The following PINX1 variants were observed in gnomAD, a reference collection of about 807,000 sequenced individuals.
The protein encoded by PINX1 is PIN2/TERF1-interacting telomerase inhibitor 1.
Under a neutral mutation model 25.4 loss-of-function variants are expected in PINX1, and 34 were observed. The ratio of observed to expected loss-of-function variants is 1.34; its 90% CI spans 1.02 to 1.78. The LOEUF (loss-of-function observed/expected upper bound fraction) is 1.78. Ranked by LOEUF, PINX1 falls within the 40% of genes most tolerant of loss-of-function variation. PINX1 has a pLI of 0.00. For synonymous variants in PINX1, 197 were observed against 147.7 expected, an observed-to-expected ratio of 1.33 and a Z score of -2.42; for missense variants, 592 against 404.9, an observed-to-expected ratio of 1.46 and a Z score of -3.97.
At chr8:10,769,841 G>C (rs1262101640) in intron 6 of PINX1, among the ~76,000 whole-genome samples, 1 of 152,140 alleles carries the variant, frequency 6.6e-6, no homozygotes, top group Admixed American at 6.5e-5. Flanking sequence ...GGACTGCCTT[G>C]TCACCTTTCC....
chr8:10,834,878 A>C, intron 1 of PINX1, 103 bp from the exon 2 acceptor site: 1 of 729,950 alleles, frequency 1.4e-6, no homozygotes, highest in Non-Finnish European at 2.3e-6. Flanking sequence ...TATGTATGTA[A>C]AATATGACAT....
chr8:10,787,862 T>C (rs1051230095), intron 6 of PINX1: 4 of 455,408 alleles, frequency 8.8e-6, no homozygotes, highest in African/African-American at 8.0e-5. Flanking sequence ...GAGAACCTAT[T>C]GGTTAAGAAA....
chr8:10,819,240 G>A (rs1244503341), intron 6 of PINX1, among the ~76,000 whole-genome samples: 1 of 152,096 alleles, frequency 6.6e-6, no homozygotes, highest in Admixed American at 6.5e-5. Context: ...TGGTAATTCT[G>A]GACTCCCTAA....
chr8:10,770,298 G>T (rs17152345), intron 6 of PINX1, among the ~76,000 whole-genome samples: 1 of 152,204 alleles, frequency 6.6e-6, no homozygotes, highest in African/African-American at 2.4e-5. Flanking sequence ...GTCACGATTA[G>T]AGCTGGAGAA....
intron 6 of PINX1, among the ~76,000 whole-genome samples, chr8:10,774,960 T>C (rs1160133712): frequency 6.7e-6 from 1 of 150,310 alleles, no homozygotes; most frequent in African/African-American, 2.5e-5. Flanking sequence ...AGTGTTCTTA[T>C]CACAATAAAA....
chr8:10,826,607 C>T (rs1168218755), intron 4 of PINX1, among the ~76,000 whole-genome samples: 2 of 152,214 alleles, frequency 1.3e-5, no homozygotes, highest in Non-Finnish European at 2.9e-5. Flanking sequence ...AGTCCTTCAA[C>T]GTGTGAATGC....
intron 6 of PINX1, among the ~76,000 whole-genome samples, chr8:10,789,979 G>C (rs1801871952): frequency 6.6e-6 from 1 of 152,160 alleles, no homozygotes; most frequent in South Asian, 2.1e-4. Flanking sequence ...CAAGCCTAGG[G>C]CAGAGTGCTC....
chr8:10,782,001 C>G (rs1241888929), intron 6 of PINX1, among the ~76,000 whole-genome samples: 1 of 150,226 alleles, frequency 6.7e-6, no homozygotes, highest in Non-Finnish European at 1.5e-5. Flanking sequence ...TGGAATATTA[C>G]TCAGCCTTTA....
At chr8:10,793,022 A>C (rs1801972106) in intron 6 of PINX1, among the ~76,000 whole-genome samples, 1 of 152,106 alleles carries the variant, frequency 6.6e-6, no homozygotes, top group South Asian at 2.1e-4. Context: ...TCCTGCTCCA[A>C]ATGAACGTGT....
At chr8:10,776,155 C>G (rs756632138) in intron 6 of PINX1, among the ~76,000 whole-genome samples, 40 of 152,234 alleles carry the variant, frequency 2.6e-4, no homozygotes, top group South Asian at 1.0e-3. Flanking sequence ...GCTGGGGGCG[C>G]TGGCTCACAC....
At chr8:10,837,649 T>A (rs764555047) in intron 1 of PINX1, among the ~76,000 whole-genome samples, 9 of 152,214 alleles carry the variant, frequency 5.9e-5, no homozygotes, top group Admixed American at 2.6e-4. Context: ...TACTCCTATG[T>A]GGAGATCTAA....
chr8:10,807,674 G>GTAAT (rs915777919), intron 6 of PINX1, among the ~76,000 whole-genome samples: 1 of 152,176 alleles, frequency 6.6e-6, no homozygotes, highest in African/African-American at 2.4e-5. Context: ...AGACACTAGA[G>GTAAT]TAATACCTTC....
chr8:10,821,299 T>C (rs1797860095), intron 5 of PINX1, among the ~76,000 whole-genome samples: 2 of 152,208 alleles, frequency 1.3e-5, no homozygotes, highest in African/African-American at 4.8e-5. Flanking sequence ...TTAAATATGA[T>C]ATTGCTCAGT....
intron 3 of PINX1, 36 bp from the exon 4 acceptor site, chr8:10,831,779 T>G: frequency 8.2e-7 from 1 of 1,222,194 alleles, no homozygotes; most frequent in Non-Finnish European, 1.2e-6. Flanking sequence ...GAGGTAAGCC[T>G]GTAGTTTACT....
intron 5 of PINX1, among the ~76,000 whole-genome samples, chr8:10,825,939 C>A (rs1008292794): frequency 2.6e-5 from 4 of 152,224 alleles, no homozygotes; most frequent in African/African-American, 9.6e-5. Flanking sequence ...AAAACCTAAT[C>A]TGGGTCCCAT....
At chr8:10,768,706 A>G (rs1801134023) in intron 6 of PINX1, among the ~76,000 whole-genome samples, 1 of 152,206 alleles carries the variant, frequency 6.6e-6, no homozygotes, top group South Asian at 2.1e-4. Flanking sequence ...CAAAGGAAAA[A>G]TACATTGAAA....
chr8:10,818,311 A>G (rs1685552846), intron 6 of PINX1, among the ~76,000 whole-genome samples: 1 of 152,174 alleles, frequency 6.6e-6, no homozygotes, highest in African/African-American at 2.4e-5. Context: ...AAGCTCCTCA[A>G]ACACAGGTGG....
At chr8:10,835,510 C>T (rs1455772423) in intron 1 of PINX1, among the ~76,000 whole-genome samples, 1 of 152,212 alleles carries the variant, frequency 6.6e-6, no homozygotes, top group African/African-American at 2.4e-5. Context: ...ATAACAATCC[C>T]ATCCCTCTCA....
intron 6 of PINX1, among the ~76,000 whole-genome samples, chr8:10,782,513 A>G (rs1586146012): frequency 6.6e-6 from 1 of 152,072 alleles, no homozygotes; most frequent in Non-Finnish European, 1.5e-5. Context: ...AGGCAGGCGG[A>G]TCATCTGAGG....
Sources: allele counts gnomAD v4.1 joint callset (sites outside exome capture counted in the v4.1 genomes callset), GRCh38; gene constraint gnomAD v4.1.1; transcripts MANE v1.5; gene names NCBI Gene and HGNC (gene_info 2026-07-23, HGNC 2026-07-21).